ZP3: variants seen among roughly 807,000 people sequenced by gnomAD.
ZP3 encodes zona pellucida sperm-binding protein 3.
In ZP3, 21 loss-of-function variants were observed where a neutral mutation model predicts 35.6. The ratio of observed to expected loss-of-function variants is 0.59; its 90% confidence interval spans 0.42 to 0.85. The LOEUF is 0.85. Among genes scored for constraint, ZP3 ranks in the 40% least tolerant of loss-of-function variants. The probability of loss-of-function intolerance (pLI) is 0.00; values close to 1 mark genes in which losing one functional copy is unlikely to be tolerated. For synonymous variants in ZP3, 207 were observed against 214.5 expected, an observed-to-expected ratio of 0.96 and a Z score of 0.31; for missense variants, 437 against 536.5, an observed-to-expected ratio of 0.81 and a Z score of 1.83.
chr7:76,397,855 G>C, intron 1 of ZP3: 2 of 1,509,640 alleles, frequency 1.3e-6, no homozygotes, highest in Non-Finnish European at 1.8e-6. Flanking sequence ...GCGGGGGTCA[G>C]GGCGCATCTC....
intron 4 of ZP3, 53 bp downstream of exon 4, chr7:76,433,700 G>A (rs1805907834): frequency 1.9e-6 from 3 of 1,539,312 alleles, no homozygotes; most frequent in South Asian, 1.2e-5. Context: ...TGACCCTAAA[G>A]CCACCTGTTT....
intron 1 of ZP3, among the ~76,000 whole-genome samples, chr7:76,408,666 C>T (rs1805125401): frequency 5.9e-5 from 9 of 152,126 alleles, no homozygotes; most frequent in Admixed American, 5.9e-4. Flanking sequence ...CCCAGGTGAC[C>T]CCAGAGCCCT....
chr7:76,399,857 C>A (rs958685866), intron 1 of ZP3, among the ~76,000 whole-genome samples: 4 of 151,908 alleles, frequency 2.6e-5, no homozygotes, highest in Non-Finnish European at 5.9e-5. Flanking sequence ...AGAGGGGAAC[C>A]AGTGGGGTGA....
At chr7:76,441,743 C>T (rs532321200) in intron 7 of ZP3, 99 bp from the exon 8 acceptor site, 12 of 1,102,590 alleles carry the variant, frequency 1.1e-5, no homozygotes, top group Middle Eastern at 2.0e-4. Flanking sequence ...ACAAAAAAGA[C>T]AACATATTAG....
intron 1 of ZP3, chr7:76,404,333 A>G: frequency 6.2e-7 from 1 of 1,609,352 alleles, no homozygotes; most frequent in Non-Finnish European, 8.5e-7. Context: ...AAGGAAAGAC[A>G]GGGCTTGGGG....
chr7:76,401,810 C>A (rs1370671271), intron 1 of ZP3, among the ~76,000 whole-genome samples: 1 of 152,178 alleles, frequency 6.6e-6, no homozygotes, highest in Non-Finnish European at 1.5e-5. Flanking sequence ...CCTCTGAATT[C>A]CTGGACACCA....
chr7:76,421,257 G>T (rs1177028563), upstream of ZP3, among the ~76,000 whole-genome samples: 2 of 151,514 alleles, frequency 1.3e-5, no homozygotes, highest in Non-Finnish European at 2.9e-5. Context: ...TTTGAGATGA[G>T]GTCTCACTCT....
upstream of ZP3, among the ~76,000 whole-genome samples, chr7:76,421,181 G>A (rs1032870659): frequency 1.3e-5 from 2 of 152,012 alleles, no homozygotes; most frequent in East Asian, 3.8e-4. Context: ...TGATCTGCTC[G>A]TCTCAGCCTC....
chr7:76,418,033 G>C (rs867081724), intron 1 of ZP3, among the ~76,000 whole-genome samples: 3 of 150,534 alleles, frequency 2.0e-5, no homozygotes, highest in Non-Finnish European at 4.4e-5. Context: ...CGCCTCCCGG[G>C]TTCAAGCGGG....
chr7:76,438,012 G>A (rs1343774259), intron 5 of ZP3, among the ~76,000 whole-genome samples: 1 of 152,258 alleles, frequency 6.6e-6, no homozygotes, highest in Non-Finnish European at 1.5e-5. Flanking sequence ...CTAAAAGTCT[G>A]AATTTACATG....
intron 3 of ZP3, 143 bp downstream of exon 3, chr7:76,433,173 T>TTGGTTTTG: frequency 7.0e-6 from 1 of 142,326 alleles, no homozygotes; most frequent in Non-Finnish European, 1.1e-5. Context: ...GGTTGGTTTT[T>TTGGTTTTG]GAGACAGTCT....
intron 1 of ZP3, chr7:76,400,514 A>G: frequency 6.3e-7 from 1 of 1,587,462 alleles, no homozygotes; most frequent in Admixed American, 1.8e-5. Context: ...TCGTCATCAC[A>G]GACGCTGCCC....
chr7:76,417,628 C>A (rs532125389), intron 1 of ZP3, among the ~76,000 whole-genome samples: 2 of 128,306 alleles, frequency 1.6e-5, no homozygotes, highest in Admixed American at 1.6e-4. Context: ...TTTTTTTTTT[C>A]GAGACAAGAT....
chr7:76,399,295 G>A (rs1804738873), intron 1 of ZP3, among the ~76,000 whole-genome samples: 1 of 152,016 alleles, frequency 6.6e-6, no homozygotes, highest in South Asian at 2.1e-4. Flanking sequence ...TTACAGGCAT[G>A]AGCCACCGTG....
chr7:76,427,951 G>A (rs939168258), intron 1 of ZP3, among the ~76,000 whole-genome samples: 6 of 152,054 alleles, frequency 3.9e-5, no homozygotes, highest in African/African-American at 1.2e-4. Context: ...TGGGATTACA[G>A]GCATGAGCCA....
chr7:76,404,489 A>C, intron 1 of ZP3: 1 of 1,613,242 alleles, frequency 6.2e-7, no homozygotes, highest in Non-Finnish European at 8.5e-7. Context: ...GCCAGGGAGA[A>C]GTCACAGTTG....
At chr7:76,438,424 G>C (rs552628995) in intron 5 of ZP3, among the ~76,000 whole-genome samples, 1 of 152,250 alleles carries the variant, frequency 6.6e-6, no homozygotes, top group South Asian at 2.1e-4. Flanking sequence ...CTGGTGTGGT[G>C]GTGGGTACCC....
intron 1 of ZP3, chr7:76,400,481 C>G: frequency 6.2e-7 from 1 of 1,606,612 alleles, no homozygotes; most frequent in African/African-American, 1.3e-5. Context: ...CGACACACTA[C>G]GTTGGCGTCC....
intron 5 of ZP3, among the ~76,000 whole-genome samples, chr7:76,438,085 G>A (rs1806078839): frequency 1.3e-5 from 2 of 152,258 alleles, no homozygotes; most frequent in East Asian, 1.9e-4. Flanking sequence ...GTGGCTCTGA[G>A]GCTTCTGCTG....
Sources: gnomAD v4.1 joint callset for allele counts (sites outside exome capture counted in the v4.1 genomes callset) on GRCh38, gnomAD v4.1.1 for gene constraint, MANE v1.5 for transcripts, NCBI Gene and HGNC (gene_info 2026-07-23, HGNC 2026-07-21) for gene names.